CPNE4: variants seen among roughly 807,000 people sequenced by gnomAD.
The protein encoded by CPNE4 is copine-4.
Under a neutral mutation model 67.9 loss-of-function variants are expected in CPNE4, and 25 were observed. That is an observed-to-expected ratio of 0.37 (90% CI 0.27 to 0.51). The LOEUF (loss-of-function observed/expected upper bound fraction) is 0.51, where lower values mean the gene tolerates loss of function less well. Ranked by LOEUF, CPNE4 falls within the 20% of genes least tolerant of loss-of-function variation. The pLI is 0.93. For synonymous variants in CPNE4, 242 were observed against 244.9 expected (o/e 0.99, Z 0.11); for missense variants, 464 against 690.8 (o/e 0.67, Z 3.68).
At chr3:131,719,939 G>A (rs868318830) in intron 3 of CPNE4, among the ~76,000 whole-genome samples, 2 of 152,242 alleles carry the variant, frequency 1.3e-5, no homozygotes, top group Non-Finnish European at 2.9e-5. Flanking sequence ...AGTGGGTGAT[G>A]AGATTCATGT....
At chr3:131,894,650 G>T (rs1259656805) in intron 2 of CPNE4, among the ~76,000 whole-genome samples, 1 of 151,768 alleles carries the variant, frequency 6.6e-6, no homozygotes, top group African/African-American at 2.4e-5. Flanking sequence ...AAATGTAAAT[G>T]AAAACCACAA....
chr3:131,973,831 A>C (rs2072571354), intron 1 of CPNE4, among the ~76,000 whole-genome samples: 1 of 152,244 alleles, frequency 6.6e-6, no homozygotes, highest in Non-Finnish European at 1.5e-5. Flanking sequence ...GAATAGGAAT[A>C]ACGTCAAAAG....
intron 1 of CPNE4, among the ~76,000 whole-genome samples, chr3:131,911,500 A>T (rs760346105): frequency 3.3e-5 from 5 of 151,418 alleles, no homozygotes; most frequent in Non-Finnish European, 7.4e-5. Flanking sequence ...TCTAGCAACC[A>T]ATAATTATTA....
intron 8 of CPNE4, 134 bp from the exon 9 acceptor site, chr3:131,581,799 C>T: frequency 1.5e-6 from 1 of 660,264 alleles, no homozygotes; most frequent in South Asian, 1.8e-5. Flanking sequence ...GTAACTCTTG[C>T]ATCTAGAGGA....
intron 2 of CPNE4, among the ~76,000 whole-genome samples, chr3:131,738,897 C>T (rs990334084): frequency 6.6e-6 from 1 of 150,638 alleles, no homozygotes; most frequent in Non-Finnish European, 1.5e-5. Flanking sequence ...TCTCGTCGCC[C>T]AGGCTAGAGT....
intron 2 of CPNE4, among the ~76,000 whole-genome samples, chr3:131,853,849 GC>G (rs1361807410): frequency 6.6e-6 from 1 of 151,750 alleles, no homozygotes; most frequent in African/African-American, 2.4e-5. Context: ...AATATTTCAT[GC>G]CCACTAAAAT....
intron 7 of CPNE4, among the ~76,000 whole-genome samples, chr3:131,637,253 C>G (rs1048942933): frequency 3.3e-5 from 5 of 151,900 alleles, no homozygotes; most frequent in Admixed American, 2.0e-4. Context: ...AAGGAGGCAC[C>G]AGAGAAAGGT....
In CPNE4 at chr3:131,596,394, G is replaced by A. The variant is rs547069001; in HGVS notation, c.682-8812C>T. ...TCCCAGCACTTTGGGAGGCCGAGGC[G>A]GGCGGATCACGAGGTCAGGAGATCG... On this transcript the variant is annotated intron_variant, in intron 7 of 15. Coordinates refer to ENST00000429747, the MANE Select transcript of CPNE4 (RefSeq NM_130808.3). 1.4e-3 allele frequency among the ~76,000 whole-genome samples: 162 copies of A among 116,702 alleles called. 23 individuals are homozygous for A. Among genetic ancestry groups the A allele is most frequent in the African/African-American group, 6.1e-3 (151 of 24,732 alleles). The allele number at this position is 116,702 out of a possible 152,430, so 76.6% of individuals were successfully genotyped here. A position where few individuals can be genotyped will look rare whatever the true frequency, so the allele number is the denominator to read the frequency against.
intron 7 of CPNE4, among the ~76,000 whole-genome samples, chr3:131,656,627 G>A (rs1338681056): frequency 6.6e-6 from 1 of 152,096 alleles, no homozygotes; most frequent in Non-Finnish European, 1.5e-5. Flanking sequence ...ACTGTTTTAG[G>A]GGCTGAGGAT....
At chr3:131,631,638 T>A (rs1011674765) in intron 7 of CPNE4, among the ~76,000 whole-genome samples, 4 of 152,158 alleles carry the variant, frequency 2.6e-5, no homozygotes, top group Admixed American at 2.6e-4. Context: ...AAGGGATCAT[T>A]GAAATATGGT....
chr3:131,633,285 C>A (rs1435185364), intron 7 of CPNE4, among the ~76,000 whole-genome samples: 1 of 152,124 alleles, frequency 6.6e-6, no homozygotes, highest in African/African-American at 2.4e-5. Context: ...TTGCTTCCAT[C>A]ATTACCTCTC....
chr3:131,769,972 T>C (rs1264117336), intron 2 of CPNE4, among the ~76,000 whole-genome samples: 2 of 152,154 alleles, frequency 1.3e-5, no homozygotes, highest in African/African-American at 2.4e-5. Flanking sequence ...CCCAAAACAC[T>C]CAAGATGAGT....
At chr3:132,005,671 G>A (rs1304059192) in intron 1 of CPNE4, among the ~76,000 whole-genome samples, 1 of 151,622 alleles carries the variant, frequency 6.6e-6, no homozygotes, top group Non-Finnish European at 1.5e-5. Flanking sequence ...TTGGTTCCAG[G>A]ACCCCCACAT....
At chr3:131,945,358 A>C (rs2071522038) in intron 1 of CPNE4, among the ~76,000 whole-genome samples, 1 of 152,124 alleles carries the variant, frequency 6.6e-6, no homozygotes, top group Non-Finnish European at 1.5e-5. Context: ...CTATTGGCAA[A>C]AGTGTAGTTG....
intron 2 of CPNE4, among the ~76,000 whole-genome samples, chr3:131,731,794 G>C (rs2107761994): frequency 6.6e-6 from 1 of 152,312 alleles, no homozygotes; most frequent in Middle Eastern, 3.4e-3. Flanking sequence ...GGACAGTACT[G>C]TTCTAGCCTG....
intron 7 of CPNE4, among the ~76,000 whole-genome samples, chr3:131,618,020 C>T (rs1940257359): frequency 1.3e-5 from 2 of 152,170 alleles, no homozygotes; most frequent in South Asian, 2.1e-4. Context: ...AGATGTGGTA[C>T]CTGTTTTCCA....
chr3:131,941,099 C>G (rs17297521), intron 1 of CPNE4, among the ~76,000 whole-genome samples: 20,092 of 152,024 alleles, frequency 0.13, 1,365 homozygotes, highest in African/African-American at 0.17. Flanking sequence ...CTTCATAACA[C>G]TTAGTGAGTG....
intron 14 of CPNE4, among the ~76,000 whole-genome samples, chr3:131,546,391 A>AT (rs969637712): frequency 2.0e-5 from 3 of 152,128 alleles, no homozygotes; most frequent in African/African-American, 7.2e-5. Context: ...AAAGAGGGGC[A>AT]TTTTTTACCT....
chr3:131,835,847 G>A (rs2085536590), intron 2 of CPNE4, among the ~76,000 whole-genome samples: 1 of 152,178 alleles, frequency 6.6e-6, no homozygotes, highest in South Asian at 2.1e-4. Context: ...ATAGAGTAGA[G>A]TGGAGCTCTG....
Sources: allele counts gnomAD v4.1 joint callset (sites outside exome capture counted in the v4.1 genomes callset), GRCh38; gene constraint gnomAD v4.1.1; transcripts MANE v1.5; gene names NCBI Gene and HGNC (gene_info 2026-07-23, HGNC 2026-07-21).